EHD4: variants seen among roughly 807,000 people sequenced by gnomAD.
EHD4 encodes EH domain-containing protein 4.
EHD4 carries 37 observed loss-of-function variants against 51.0 expected under a neutral mutation model. The observed-to-expected ratio is 0.73, with a 90% CI of 0.56 to 0.95. The LOEUF is 0.95. Ranked by LOEUF, EHD4 falls within the 40% of genes least tolerant of loss-of-function variation. The pLI, the probability that EHD4 is intolerant of heterozygous loss-of-function variation, is 0.00. For synonymous variants in EHD4, 297 were observed against 317.3 expected, an observed-to-expected ratio of 0.94 and a Z score of 0.68; for missense variants, 632 against 733.1, an observed-to-expected ratio of 0.86 and a Z score of 1.59.
chr15:41,926,640 C>T (rs535066498), intron 3 of EHD4, among the ~76,000 whole-genome samples: 1 of 152,316 alleles, frequency 6.6e-6, no homozygotes, highest in Admixed American at 6.5e-5. Flanking sequence ...AGATTATCTC[C>T]AAAACTGTGA....
At chr15:41,921,911 T>C (rs2067628145) in intron 3 of EHD4, among the ~76,000 whole-genome samples, 2 of 152,152 alleles carry the variant, frequency 1.3e-5, no homozygotes, top group African/African-American at 2.4e-5. Flanking sequence ...AGAGGAGTGC[T>C]GAACCTTGGG....
chr15:41,965,258 T>C (rs898082534), intron 1 of EHD4, among the ~76,000 whole-genome samples: 1 of 152,254 alleles, frequency 6.6e-6, no homozygotes, highest in African/African-American at 2.4e-5. Flanking sequence ...GAAGTTATTT[T>C]TGAAGACTAT....
chr15:41,923,903 C>T (rs577684443), intron 3 of EHD4, among the ~76,000 whole-genome samples: 1 of 152,214 alleles, frequency 6.6e-6, no homozygotes, highest in Non-Finnish European at 1.5e-5. Context: ...CCCTGGTGAA[C>T]CCTTCCTCTA....
chr15:41,943,941 G>A (rs554773123), intron 2 of EHD4, among the ~76,000 whole-genome samples: 35 of 152,298 alleles, frequency 2.3e-4, no homozygotes, highest in African/African-American at 8.4e-4. Context: ...GACCAGGTTG[G>A]GGAAGGCCCT....
At chr15:41,953,520 G>A (rs1475650307) in intron 2 of EHD4, among the ~76,000 whole-genome samples, 1 of 152,106 alleles carries the variant, frequency 6.6e-6, no homozygotes, top group Admixed American at 6.6e-5. Context: ...ACCTGGCCCT[G>A]TGCAGCCTTA....
At chr15:41,920,876 T>C (rs1356233325) in intron 3 of EHD4, among the ~76,000 whole-genome samples, 1 of 152,226 alleles carries the variant, frequency 6.6e-6, no homozygotes, top group Non-Finnish European at 1.5e-5. Flanking sequence ...CATCTGTGGA[T>C]ACAGACTATA....
At position 41,956,253 on chromosome 15, in the gene EHD4, G is replaced by A. The variant is rs115058231; in HGVS notation, c.237-2313C>T. 6.7e-3 allele frequency among the ~76,000 whole-genome samples: 1,014 copies of A among 152,204 alleles called. 9 individuals are homozygous for A. The highest frequency in any genetic ancestry group is 0.019 in the African/African-American group (805 of 41,500). On this transcript the variant is annotated intron_variant, in intron 1 of 5. Transcript: ENST00000220325. ...TGCTTTTTGGGGAAGAGCTCGGTGTGGAGCTCCACCTTGGGTGGCTCGCGG... is the reference window on the plus strand; with the variant it reads ...TGCTTTTTGGGGAAGAGCTCGGTGTAGAGCTCCACCTTGGGTGGCTCGCGG...
rs116358340 is a variant in EHD4, at chr15:41,964,188, A to C, written c.236+8071T>G. Among the ~76,000 whole-genome samples, 383 of 151,940 alleles carry C rather than the reference A, an allele frequency of 2.5e-3. 1 individual carries two copies. The highest frequency in any genetic ancestry group is 8.9e-3 in the African/African-American group (367 of 41,422). ...AAAAAAAGGACAAGACCAACACTTC[A>C]AATGAAAATTGGACAAAGTTCACAG... On this transcript the variant is annotated intron_variant, in intron 1 of 5. Transcript: ENST00000220325.
intron 1 of EHD4, among the ~76,000 whole-genome samples, chr15:41,962,542 CA>C (rs35279472): frequency 0.18 from 23,465 of 127,862 alleles, 2,342 homozygotes; most frequent in East Asian, 0.29. Flanking sequence ...TGACAAAAGA[CA>C]AAAAAAAAAA....
chr15:41,972,484 C>A lies in EHD4; in HGVS notation c.11G>T (p.Trp4Leu). 1 of 1,530,268 alleles carries A rather than the reference C, an allele frequency of 6.5e-7. No homozygotes were observed. Among genetic ancestry groups the A allele is most frequent in the South Asian group, 1.2e-5 (1 of 80,708 alleles). The allele number at this position is 1,530,268 out of a possible 1,614,324, so 94.8% of individuals were successfully genotyped here. MFS[W>L]MGRQAGGRER... ...GCGCCCGCCCGCCTGCCGCCCCATCCAGCTGAACATCCTGCCGCCAGTCCA... is the reference window on the plus strand; with the variant it reads ...GCGCCCGCCCGCCTGCCGCCCCATCAAGCTGAACATCCTGCCGCCAGTCCA... The change falls in exon 1 of 6, where the codon TGG becomes TTG. Residue 4 changes from tryptophan (W) to leucine (L), a missense_variant. Transcript: ENST00000220325.
Position 41,903,445 on chromosome 15 carries a change from A to AACAT in EHD4, c.1090-2268_1090-2265dup, listed in dbSNP as rs1294555148. Among the ~76,000 whole-genome samples the AACAT allele has an allele frequency of 1.1e-3, 130 of 118,438 alleles. 1 individual carries two copies. The highest frequency in any genetic ancestry group is 4.0e-3 in the Middle Eastern group (1 of 252). The allele number at this position is 118,438 out of a possible 152,430, so 77.7% of individuals were successfully genotyped here. ...ATCTGGGCATGCATTTCTAGCCATT[A>AACAT]ACATACATACACACACACACACACA... On this transcript the variant is annotated intron_variant, in intron 5 of 5. Transcript: ENST00000220325.
chr15:41,972,142 G>A, intron 1 of EHD4, 117 bp downstream of exon 1: 1 of 1,101,464 alleles, frequency 9.1e-7, no homozygotes, highest in Non-Finnish European at 1.1e-6. Context: ...CGAGCTCCGG[G>A]AGGGGTCCCC....
intron 5 of EHD4, among the ~76,000 whole-genome samples, chr15:41,903,900 C>T (rs148988807): frequency 5.2e-4 from 79 of 152,250 alleles, no homozygotes; most frequent in Non-Finnish European, 9.1e-4. Flanking sequence ...TACTGCAGGC[C>T]GGGTCTCTCA....
intron 1 of EHD4, among the ~76,000 whole-genome samples, chr15:41,962,556 C>A (rs1356325534): frequency 8.0e-4 from 113 of 141,348 alleles, no homozygotes; most frequent in Middle Eastern, 3.8e-3. Context: ...AAAAAAAAAA[C>A]CCACAACAAT....
At chr15:41,956,424 A>C (rs1339489967) in intron 1 of EHD4, among the ~76,000 whole-genome samples, 4 of 152,268 alleles carry the variant, frequency 2.6e-5, no homozygotes, top group African/African-American at 9.6e-5. Flanking sequence ...CAGGTGTTGA[A>C]GTCAGACATC....
intron 1 of EHD4, among the ~76,000 whole-genome samples, chr15:41,958,527 AT>A (rs536933020): frequency 5.3e-5 from 8 of 150,136 alleles, no homozygotes; most frequent in Non-Finnish European, 8.9e-5. Context: ...TTAGGCTAGA[AT>A]TTTTTTTTTC....
intron 3 of EHD4, among the ~76,000 whole-genome samples, chr15:41,930,861 A>G (rs1475404463): frequency 6.6e-6 from 1 of 152,278 alleles, no homozygotes; most frequent in Non-Finnish European, 1.5e-5. Flanking sequence ...TGCTAAAAGT[A>G]GCCCATGTAG....
intron 2 of EHD4, among the ~76,000 whole-genome samples, chr15:41,952,857 G>A (rs367798675): frequency 1.3e-5 from 2 of 152,076 alleles, no homozygotes; most frequent in South Asian, 2.1e-4. Context: ...GGGTGTGGTG[G>A]TGGGTGCCTG....
At chr15:41,925,842 G>A (rs570693438) in intron 3 of EHD4, among the ~76,000 whole-genome samples, 6 of 152,238 alleles carry the variant, frequency 3.9e-5, no homozygotes, top group South Asian at 2.1e-4. Context: ...AGGGCTTCCC[G>A]TCACAGCCCC....
Sources: gnomAD v4.1 joint callset for allele counts (sites outside exome capture counted in the v4.1 genomes callset) on GRCh38, gnomAD v4.1.1 for gene constraint, MANE v1.5 for transcripts, NCBI Gene and HGNC (gene_info 2026-07-23, HGNC 2026-07-21) for gene names.